KNL1: variants seen among roughly 807,000 people sequenced by gnomAD.
The protein encoded by KNL1 is outer kinetochore KNL1 complex subunit KNL1.
A neutral mutation model predicts 201.3 loss-of-function variants in KNL1; 66 were observed. That is an observed-to-expected ratio of 0.33 (90% CI 0.27 to 0.40). The LOEUF (loss-of-function observed/expected upper bound fraction) is 0.40. KNL1 is among the 10% of genes least tolerant of loss of function. The probability of loss-of-function intolerance (pLI) is 1.00; values close to 1 mark genes in which losing one functional copy is unlikely to be tolerated. For missense variants in KNL1, 2,815 were observed against 2,690.5 expected (o/e 1.05, Z -1.02); for synonymous variants, 895 against 899.2 (o/e 1.00, Z 0.08).
chr15:40,632,216 C>A (rs1192647653), intron 13 of KNL1, among the ~76,000 whole-genome samples: 1 of 136,040 alleles, frequency 7.4e-6, no homozygotes, highest in South Asian at 2.6e-4. Context: ...CGAGACCCCC[C>A]CCCACCCACA....
Position 40,624,659 on chromosome 15 carries a change from A to G in KNL1, c.4395A>G (p.Val1465=), listed in dbSNP as rs753828645. The G allele has an allele frequency of 1.2e-6, 2 of 1,613,718 alleles. No homozygotes were observed. Among genetic ancestry groups the G allele is most frequent in the South Asian group, 1.1e-5 (1 of 91,064 alleles). The part of the protein sequence containing the change: ...KGQSSINKEE[V]ILSKAGNKSL... ...AGAGTAGTATCAATAAAGAAGAAGTAATACTGTCTAAAGCTGGAAATAAGA... is the reference window on the plus strand; with the variant it reads ...AGAGTAGTATCAATAAAGAAGAAGTGATACTGTCTAAAGCTGGAAATAAGA... The change falls in exon 10 of 26, where the codon GTA becomes GTG. Residue 1465 remains valine, a synonymous_variant. Transcript: ENST00000399668.
At position 40,621,671 on chromosome 15, in the gene KNL1, G is replaced by A; in HGVS notation, c.1407G>A (p.Met469Ile). The change falls in exon 10 of 26, where the codon ATG (methionine) becomes ATA (isoleucine). Residue 469 changes from methionine to isoleucine, a missense_variant. This residue lies in a region of KNL1 where 2,464 missense variants were observed against 2,291.7 expected (regional missense o/e 1.08). Coordinates refer to ENST00000399668, the MANE Select transcript of KNL1 (RefSeq NM_144508.5). Reference protein sequence around the residue: ...YAKMYCNPDAMSSLTEKTIYS... With the variant: ...YAKMYCNPDAISSLTEKTIYS... ...AAATGTATTGCAATCCAGATGCTAT[G>A]TCTTCTCTCACAGAGAAAACTATTT... 1 of 1,612,558 alleles carries A rather than the reference G, an allele frequency of 6.2e-7. No homozygotes were observed. Among genetic ancestry groups the A allele is most frequent in the Non-Finnish European group, 8.5e-7 (1 of 1,178,826 alleles).
rs28708583 is a variant in KNL1 at position 40,663,263 on chromosome 15, G to A, written c.*1075G>A. 6.0e-6 allele frequency: 1 copy of A among 167,180 alleles called. No individual in the cohort carries two copies. The highest frequency in any genetic ancestry group is 1.2e-4 in the East Asian group (1 of 8,454). The allele number at this position is 167,180 out of a possible 1,614,324, so 10.4% of individuals were successfully genotyped here. A position where few individuals can be genotyped will look rare whatever the true frequency, so the allele number is the denominator to read the frequency against. On this transcript the variant is annotated 3_prime_UTR_variant, in exon 26 of 26. Coordinates refer to ENST00000399668, the MANE Select transcript of KNL1 (RefSeq NM_144508.5). ...TTTAGTAGAAATGGGGTTTCACGATGTTAGCCAGGATGGTCTCGATCTCCT... is the reference window on the plus strand; with the variant it reads ...TTTAGTAGAAATGGGGTTTCACGATATTAGCCAGGATGGTCTCGATCTCCT...
chr15:40,609,069 C>T (rs1418976032), intron 5 of KNL1, among the ~76,000 whole-genome samples, 161 bp downstream of exon 5: 2 of 152,000 alleles, frequency 1.3e-5, no homozygotes, highest in South Asian at 2.1e-4. Context: ...CAAAGCATTC[C>T]CTCTAAAGTC....
chr15:40,654,367 A>T (rs932610482), intron 21 of KNL1, among the ~76,000 whole-genome samples: 1 of 152,130 alleles, frequency 6.6e-6, no homozygotes, highest in East Asian at 1.9e-4. Context: ...AGGAGGCCTT[A>T]ACAAATATAG....
In KNL1 at chr15:40,660,696, C is replaced by T. The variant is rs541275395; in HGVS notation, c.6836+1235C>T. Among the ~76,000 whole-genome samples the T allele has an allele frequency of 4.9e-5, 7 of 144,090 alleles. No individual in the cohort carries two copies. In the South Asian group the frequency reaches 1.5e-3, roughly 31 times the overall value. 94.5% of individuals were successfully genotyped at this position (144,090 alleles called of 152,430 possible). A position where few individuals can be genotyped will look rare whatever the true frequency, so the allele number is the denominator to read the frequency against. ...AAAAAAAAAAAAAAAGTGCAGGATA[C>T]GATGGCTCACGCCTTTAAGCCCAGC... is the stretch of plus-strand genomic sequence containing the variant. On this transcript the variant is annotated intron_variant, in intron 25 of 25. Transcript: ENST00000399668.
At chr15:40,598,703 G>A (rs549724145) in intron 1 of KNL1, among the ~76,000 whole-genome samples, 21 of 152,300 alleles carry the variant, frequency 1.4e-4, no homozygotes, top group Non-Finnish European at 5.9e-5. Flanking sequence ...ATCTTGGAAA[G>A]TTTTCAAAGT....
chr15:40,650,703 G>A, intron 19 of KNL1, 120 bp downstream of exon 19: 1 of 847,900 alleles, frequency 1.2e-6, no homozygotes, highest in Non-Finnish European at 1.7e-6. Context: ...GCTGACTCAG[G>A]GCTTCTCCAC....
In KNL1 at chr15:40,632,611, CGAA is replaced by C. The variant is rs377101091; in HGVS notation, c.5682+3244_5682+3246del. 1.6e-4 allele frequency among the ~76,000 whole-genome samples: 25 copies of C among 151,788 alleles called. 1 individual carries two copies. The South Asian group carries it at 5.2e-3, about 32-fold the overall frequency. ...AGCCGGACCCTGTCTCAAAAAAAAA[CGAA>C]GAAAGTGAAAAGGCAACCCACAGAA... On this transcript the variant is annotated intron_variant, in intron 13 of 25. Transcript: ENST00000399668.
intron 7 of KNL1, among the ~76,000 whole-genome samples, chr15:40,612,903 A>G (rs73394739): frequency 6.6e-6 from 1 of 152,202 alleles, no homozygotes; most frequent in Non-Finnish European, 1.5e-5. Flanking sequence ...GTAGAAGGCA[A>G]CTTGGTAATA....
chr15:40,605,926 T>G (rs927299066), intron 3 of KNL1, among the ~76,000 whole-genome samples: 1 of 152,198 alleles, frequency 6.6e-6, no homozygotes, highest in African/African-American at 2.4e-5. Flanking sequence ...ATAGATTCTT[T>G]CCCTATAATT....
chr15:40,605,059 G>A, intron 2 of KNL1, 51 bp from the exon 3 acceptor site: 1 of 967,952 alleles, frequency 1.0e-6, no homozygotes, highest in Admixed American at 1.8e-5. Context: ...TGCCTTTTGT[G>A]AATTCATTTT....
At chr15:40,656,426 C>T (rs1283134179) in intron 22 of KNL1, among the ~76,000 whole-genome samples, 2 of 151,340 alleles carry the variant, frequency 1.3e-5, no homozygotes, top group African/African-American at 4.9e-5. Flanking sequence ...GAGTGACACT[C>T]CGTCTCAAAA....
chr15:40,625,795 C>A (rs1892735285), intron 10 of KNL1, 155 bp downstream of exon 10: 1 of 586,518 alleles, frequency 1.7e-6, no homozygotes, highest in Non-Finnish European at 3.0e-6. Flanking sequence ...TTATGTAGAA[C>A]CTTCAGAAAT....
chr15:40,625,624 C>T lies in KNL1; in HGVS notation c.5360C>T (p.Thr1787Met), dbSNP rs556149056. Residue 1787 changes from threonine to methionine, a missense_variant, in exon 10 of 26, where the codon ACG becomes ATG. Thr to Met is a moderately conservative substitution (Grantham distance 81). Around this residue, in one of 3 missense-constraint regions of KNL1, gnomAD observed 2,464 missense variants for 2,291.7 expected, o/e 1.08. Transcript: ENST00000399668. The part of the protein sequence containing the change: ...IRKNEIKFSD[T>M]TQDREIFDHH... ...AAAAATGAGATTAAGTTTAGTGATA[C>T]GACACAAGATCGGGAGGTGAGCTCT... 2.0e-5 allele frequency: 33 copies of T among 1,610,356 alleles called. No individual in the cohort carries two copies. The highest frequency in any genetic ancestry group is 1.1e-4 in the South Asian group (10 of 90,310).
In KNL1 at chr15:40,662,277, A is replaced by G. The variant is rs1056477472; in HGVS notation, c.*89A>G. 6 of 739,056 alleles carry G rather than the reference A, an allele frequency of 8.1e-6. No individual in the cohort carries two copies. In the African/African-American group the frequency reaches 1.1e-4, roughly 13 times the overall value. 45.8% of individuals were successfully genotyped at this position (739,056 alleles called of 1,614,324 possible). A position where few individuals can be genotyped will look rare whatever the true frequency, so the allele number is the denominator to read the frequency against. On this transcript the variant is annotated 3_prime_UTR_variant, in exon 26 of 26. Transcript: ENST00000399668. ...GCTGTTCAGCCTTTGTTTTTACGTC[A>G]TTACAAGCTGAGTAAAATTCCTTCT...
chr15:40,651,516 A>G lies in KNL1; in HGVS notation c.6258A>G (p.Gln2086=), dbSNP rs762362079. Residue 2086 remains glutamine, a synonymous_variant, in exon 20 of 26, where the codon CAA becomes CAG. Transcript: ENST00000399668. Reference sequence around the variant, plus strand: ...TACAAAAAGAGCAGACCCTTGCTCAAATAGACTTTATGCAAAAACAAAGAA... The same window carrying G: ...TACAAAAAGAGCAGACCCTTGCTCAGATAGACTTTATGCAAAAACAAAGAA... ...LEVQKEQTLA[Q]IDFMQKQRNR... is the part of the protein sequence containing the mutation. The G allele has an allele frequency of 3.7e-6, 6 of 1,610,558 alleles. No individual in the cohort carries two copies. The highest frequency in any genetic ancestry group is 5.1e-6 in the Non-Finnish European group (6 of 1,178,908).
rs374192290 is a variant in KNL1 at position 40,644,987 on chromosome 15, C to T, written c.5799-10C>T. 195 of 1,589,756 alleles carry T rather than the reference C, an allele frequency of 1.2e-4. 1 individual carries two copies. Among genetic ancestry groups the T allele is most frequent in the Middle Eastern group, 1.7e-4 (1 of 5,882 alleles). ...TCCCTACAGTGCTAATTAACTTTTC[C>T]GTATTTTAGATTAAAGCTTTCTGCA... On this transcript the variant is annotated splice_polypyrimidine_tract_variant and intron_variant, in intron 14 of 25. Coordinates refer to ENST00000399668, the MANE Select transcript of KNL1 (RefSeq NM_144508.5).
intron 24 of KNL1, among the ~76,000 whole-genome samples, chr15:40,658,252 G>A (rs1343787713): frequency 6.6e-6 from 1 of 151,618 alleles, no homozygotes; most frequent in East Asian, 1.9e-4. Context: ...GGCACAAAGA[G>A]ACTCCATATC....
Sources: gnomAD v4.1 joint callset for allele counts (sites outside exome capture counted in the v4.1 genomes callset) on GRCh38, gnomAD v4.1.1 for gene constraint, gnomAD v4.1.1 regional missense constraint, MANE v1.5 for transcripts, NCBI Gene and HGNC (gene_info 2026-07-23, HGNC 2026-07-21) for gene names.